Variants in SNX18 observed in about 807,000 individuals in gnomAD.
The protein encoded by SNX18 is sorting nexin 18.
Under a neutral mutation model 48.7 loss-of-function variants are expected in SNX18, and 35 were observed. The observed-to-expected ratio is 0.72, with a 90% CI of 0.55 to 0.95. The LOEUF is 0.95. Among genes scored for constraint, SNX18 ranks in the 40% least tolerant of loss-of-function variants. The pLI is 0.00. For missense variants in SNX18, 824 were observed against 871.0 expected, an observed-to-expected ratio of 0.95 and a Z score of 0.68; for synonymous variants, 492 against 384.7, an observed-to-expected ratio of 1.28 and a Z score of -3.26.
chr5:54,641,550 A>G, the SNX18 span, among the ~76,000 whole-genome samples: 2 of 152,148 alleles, frequency 1.3e-5, 1 homozygote, highest in South Asian at 4.1e-4. Flanking sequence ...CACAGAGAAG[A>G]ACACCTTTAG....
intron 1 of SNX18, among the ~76,000 whole-genome samples, chr5:54,522,405 T>C (rs1762048845): frequency 6.6e-6 from 1 of 152,236 alleles, no homozygotes; most frequent in African/African-American, 2.4e-5. Flanking sequence ...GAAAGTTCTA[T>C]TGGACAGTGC....
chr5:54,596,048 C>A, the SNX18 span, among the ~76,000 whole-genome samples: 1 of 152,142 alleles, frequency 6.6e-6, no homozygotes, highest in East Asian at 1.9e-4. Context: ...GCCTTGTGGT[C>A]AGAGTGGGTG....
intron 1 of SNX18, 99 bp from the exon 2 acceptor site, chr5:54,543,080 C>A: frequency 4.3e-6 from 5 of 1,171,468 alleles, no homozygotes; most frequent in Non-Finnish European, 4.7e-6. Flanking sequence ...ATAGTTTGGG[C>A]AACTATTTAT....
At chr5:54,616,628 G>C in the SNX18 span, among the ~76,000 whole-genome samples, 1 of 152,050 alleles carries the variant, frequency 6.6e-6, no homozygotes, top group African/African-American at 2.4e-5. Context: ...AATTAGCCAG[G>C]CGAAGTGGCA....
chr5:54,518,712 G>A lies in SNX18; in HGVS notation c.760G>A (p.Asp254Asn). 2 of 1,593,960 alleles carry A rather than the reference G, an allele frequency of 1.3e-6. No homozygotes were observed. The highest frequency in any genetic ancestry group is 1.7e-6 in the Non-Finnish European group (2 of 1,170,320). Residue 254 changes from aspartate (D) to asparagine (N), a missense_variant, in exon 1 of 2, where the codon GAC (aspartate) becomes AAC (asparagine). This residue lies in a region of SNX18 where 443 missense variants were observed against 503.6 expected (regional missense o/e 0.88). Transcript: ENST00000381410. ...VLGEASGFVK[D>N]GDKLCVVLGP... ...GGGGGAGGCGTCAGGCTTCGTGAAG[G>A]ACGGGGACAAGCTGTGCGTGGTGCT...
At chr5:54,542,126 G>A (rs760776331) in intron 1 of SNX18, among the ~76,000 whole-genome samples, 1 of 152,060 alleles carries the variant, frequency 6.6e-6, no homozygotes, top group Non-Finnish European at 1.5e-5. Context: ...TTCTTAAGCT[G>A]GCTTTGTTCA....
downstream of SNX18, among the ~76,000 whole-genome samples, chr5:54,550,479 A>G (rs539144475): frequency 1.9e-4 from 29 of 152,336 alleles, 1 homozygote; most frequent in East Asian, 5.2e-3. Context: ...ATATACCAAT[A>G]CAGAATTTTC....
In SNX18 at chr5:54,518,191, A is replaced by G. The variant is rs748848429; in HGVS notation, c.239A>G (p.Asn80Ser). 44 of 1,389,554 alleles carry G rather than the reference A, an allele frequency of 3.2e-5. No homozygotes were observed. In the Admixed American group the frequency reaches 3.4e-4, roughly 11 times the overall value. The allele number at this position is 1,389,554 out of a possible 1,614,324, so 86.1% of individuals were successfully genotyped here. ...CCGGGCGCCCCGGCCCGCTACGCCA[A>G]TGTGCCCCCCGGGGGCTTCGAGCCC... ...GGPGAPARYA[N>S]VPPGGFEPLP... The change falls in exon 1 of 2, where the codon AAT becomes AGT. Residue 80 changes from asparagine to serine, a missense_variant. Around this residue, in one of 3 missense-constraint regions of SNX18, gnomAD observed 377 missense variants for 350.6 expected, o/e 1.08. Transcript: ENST00000381410.
chr5:54,621,515 G>A, the SNX18 span, among the ~76,000 whole-genome samples: 2 of 152,102 alleles, frequency 1.3e-5, no homozygotes, highest in Admixed American at 6.6e-5. Flanking sequence ...CTAGCAGATA[G>A]GTCTACCCCT....
chr5:54,614,486 G>T, the SNX18 span, among the ~76,000 whole-genome samples: 230 of 152,178 alleles, frequency 1.5e-3, 2 homozygotes, highest in African/African-American at 5.3e-3. Context: ...TTCTTTCTAA[G>T]AATTCATAAG....
In SNX18 at chr5:54,545,710, A is replaced by G. The variant is rs938143909; in HGVS notation, c.*2278A>G. The G allele has an allele frequency of 2.6e-5, 4 of 152,194 alleles. No individual in the cohort carries two copies. Among genetic ancestry groups the G allele is most frequent in the African/African-American group, 9.7e-5 (4 of 41,448 alleles). 9.4% of individuals were successfully genotyped at this position (152,194 alleles called of 1,614,324 possible). A position where few individuals can be genotyped will look rare whatever the true frequency, so the allele number is the denominator to read the frequency against. ...GAATTATTAGTGTTCATTTTCATCT[A>G]AGATCTTTATTCTCTAACGTTCTTG... On this transcript the variant is annotated 3_prime_UTR_variant, in exon 2 of 2. Coordinates refer to ENST00000381410, the MANE Select transcript of SNX18 (RefSeq NM_001102575.2).
At chr5:54,568,813 A>G in the SNX18 span, among the ~76,000 whole-genome samples, 2 of 150,008 alleles carry the variant, frequency 1.3e-5, no homozygotes, top group Non-Finnish European at 1.5e-5. Flanking sequence ...TGGAAGCACA[A>G]CCACTATATT....
At chr5:54,571,298 G>C in the SNX18 span, among the ~76,000 whole-genome samples, 16 of 152,268 alleles carry the variant, frequency 1.1e-4, no homozygotes, top group Non-Finnish European at 4.4e-5. Context: ...TGTAAATTAC[G>C]AGGCTGCAAG....
In SNX18 at chr5:54,535,425, G is replaced by A. The variant is rs531688212; in HGVS notation, c.1622-7754G>A. ...GGTACAGAATCAGCGTGGGAATCTA[G>A]GAGGTTTTGTTAATAACAAATCCTA... On this transcript the variant is annotated intron_variant, in intron 1 of 1. Coordinates refer to ENST00000381410, the MANE Select transcript of SNX18 (RefSeq NM_001102575.2). 6.1e-4 allele frequency among the ~76,000 whole-genome samples: 93 copies of A among 152,278 alleles called. 1 individual carries two copies. The South Asian group carries it at 0.013, about 21-fold the overall frequency.
At chr5:54,524,463 G>T (rs1762092841) in intron 1 of SNX18, among the ~76,000 whole-genome samples, 1 of 152,138 alleles carries the variant, frequency 6.6e-6, no homozygotes, top group South Asian at 2.1e-4. Flanking sequence ...GGCCATCTTA[G>T]GACTTCTAAG....
the SNX18 span, among the ~76,000 whole-genome samples, chr5:54,553,836 T>A: frequency 8.5e-5 from 13 of 152,306 alleles, no homozygotes; most frequent in South Asian, 2.5e-3. Context: ...CTCTAGCATC[T>A]CCAACGTGGG....
the SNX18 span, among the ~76,000 whole-genome samples, chr5:54,614,124 A>C: frequency 1.3e-5 from 2 of 152,232 alleles, no homozygotes; most frequent in Non-Finnish European, 2.9e-5. Context: ...AAGGGCATTG[A>C]AGTTAAAATG....
At chr5:54,565,267 C>G in the SNX18 span, among the ~76,000 whole-genome samples, 1 of 152,186 alleles carries the variant, frequency 6.6e-6, no homozygotes, top group Non-Finnish European at 1.5e-5. Context: ...GCCTCCCACT[C>G]ACAGTAATTC....
At chr5:54,607,354 T>G in the SNX18 span, among the ~76,000 whole-genome samples, 1 of 152,152 alleles carries the variant, frequency 6.6e-6, no homozygotes, top group African/African-American at 2.4e-5. Context: ...ACGCTGTTTT[T>G]GGACCTGTTT....
Sources: gnomAD v4.1 joint callset for allele counts (sites outside exome capture counted in the v4.1 genomes callset) on GRCh38, gnomAD v4.1.1 for gene constraint, gnomAD v4.1.1 regional missense constraint, MANE v1.5 for transcripts, NCBI Gene and HGNC (gene_info 2026-07-23, HGNC 2026-07-21) for gene names.